Variants in KCNK16 observed in about 807,000 individuals in gnomAD.
KCNK16 encodes potassium two pore domain channel subfamily K member 16.
A neutral mutation model predicts 23.0 loss-of-function variants in KCNK16; 23 were observed. That is an observed-to-expected ratio of 1.00 (90% CI 0.72 to 1.41). KCNK16 has a LOEUF of 1.41. Among genes scored for constraint, KCNK16 ranks in the 40% most tolerant of loss-of-function variants. The pLI is 0.00. For synonymous variants in KCNK16, 145 were observed against 153.5 expected (o/e 0.94, Z 0.41); for missense variants, 327 against 365.8 (o/e 0.89, Z 0.87).
At chr6:39,322,289 C>T (rs767237628) in intron 1 of KCNK16, 39 bp downstream of exon 1, 1 of 1,593,686 alleles carries the variant, frequency 6.3e-7, no homozygotes, top group Non-Finnish European at 8.6e-7. Context: ...CCAACCTTCC[C>T]AAGCCTCTCC....
chr6:39,317,067 C>T, intron 3 of KCNK16, 120 bp from the exon 4 acceptor site: 2 of 961,294 alleles, frequency 2.1e-6, no homozygotes, highest in Admixed American at 2.6e-5. Context: ...CCCTTTCCTG[C>T]ACTGCAGACC....
intron 1 of KCNK16, among the ~76,000 whole-genome samples, chr6:39,320,289 A>G (rs1762467715): frequency 6.6e-6 from 1 of 152,154 alleles, no homozygotes; most frequent in South Asian, 2.1e-4. Context: ...CCACATCCAC[A>G]AAGTGGCCAG....
downstream of KCNK16, chr6:39,315,307 G>C: frequency 6.4e-7 from 1 of 1,556,214 alleles, no homozygotes; most frequent in Non-Finnish European, 8.7e-7. Context: ...GAGGCCAGAC[G>C]TTCATGGAGC....
downstream of KCNK16, chr6:39,315,016 C>T (rs1225169124): frequency 6.2e-7 from 1 of 1,604,998 alleles, no homozygotes; most frequent in Non-Finnish European, 8.5e-7. Flanking sequence ...CTTCCCAGTC[C>T]TTTCTTGGAT....
intron 3 of KCNK16, 74 bp from the exon 4 acceptor site, chr6:39,317,021 G>A: frequency 6.9e-7 from 1 of 1,454,488 alleles, no homozygotes; most frequent in Non-Finnish European, 9.3e-7. Context: ...GGGAGTCTGG[G>A]GTAAACATGG....
intron 2 of KCNK16, 93 bp from the exon 3 acceptor site, chr6:39,318,045 A>C: frequency 3.2e-6 from 4 of 1,252,862 alleles, no homozygotes; most frequent in South Asian, 1.7e-5. Context: ...GTCTGTCACC[A>C]CCTCTGGGGG....
intron 1 of KCNK16, among the ~76,000 whole-genome samples, chr6:39,320,451 C>G (rs1762474106): frequency 6.6e-6 from 1 of 152,198 alleles, no homozygotes; most frequent in Non-Finnish European, 1.5e-5. Context: ...GCCATGGGTT[C>G]TGACTTCCCA....
intron 3 of KCNK16, among the ~76,000 whole-genome samples, chr6:39,317,388 C>T (rs902733693): frequency 2.0e-5 from 3 of 152,232 alleles, no homozygotes. Flanking sequence ...AGATGTGCTA[C>T]AGAGATCCCT....
Position 39,319,183 on chromosome 6 carries a change from G to T in KCNK16, c.214-50C>A. On this transcript the variant is annotated intron_variant, in intron 1 of 4. Coordinates refer to ENST00000437525, the MANE Select transcript of KCNK16 (RefSeq NM_001135106.2). The surrounding 1 kb of genome is among the most constrained non-coding windows in gnomAD (Gnocchi z 4.2). The stretch of plus-strand genomic sequence containing the variant: ...AGGAAGAAGGAGCTGATGGTTACTG[G>T]GCACCAGTTGTTGCCATGCTTTTGG... The T allele has an allele frequency of 9.5e-7, 1 of 1,052,098 alleles. No homozygotes were observed. Among genetic ancestry groups the T allele is most frequent in the Middle Eastern group, 2.5e-4 (1 of 3,988 alleles). The allele number at this position is 1,052,098 out of a possible 1,614,324, so 65.2% of individuals were successfully genotyped here. A position where few individuals can be genotyped will look rare whatever the true frequency, so the allele number is the denominator to read the frequency against.
chr6:39,315,348 G>A, downstream of KCNK16: 2 of 1,551,902 alleles, frequency 1.3e-6, no homozygotes, highest in Non-Finnish European at 1.7e-6. Flanking sequence ...GGGATCTGCT[G>A]GCTCTCTGGC....
chr6:39,322,214 T>G, intron 1 of KCNK16, 114 bp downstream of exon 1: 1 of 1,468,328 alleles, frequency 6.8e-7, no homozygotes, highest in Non-Finnish European at 9.1e-7. Flanking sequence ...CACCACACTC[T>G]TCTTCCAAAT....
chr6:39,319,231 A>C lies in KCNK16; in HGVS notation c.214-98T>G. On this transcript the variant is annotated intron_variant, in intron 1 of 4. Transcript: ENST00000437525. The surrounding 1 kb of genome is among the most constrained non-coding windows in gnomAD (Gnocchi z 4.2). ...TGGCAGCATGCTTTTGTGTCATCTC[A>C]TCTAATGATACTCTTAGATGATATT... The C allele has an allele frequency of 7.8e-5, 57 of 728,906 alleles. No homozygotes were observed. The highest frequency in any genetic ancestry group is 1.0e-4 in the Non-Finnish European group (41 of 400,376). The allele number at this position is 728,906 out of a possible 1,614,324, so 45.2% of individuals were successfully genotyped here. A position where few individuals can be genotyped will look rare whatever the true frequency, so the allele number is the denominator to read the frequency against.
At chr6:39,315,374 T>C, downstream of KCNK16, 1 of 1,551,540 alleles carries the variant, frequency 6.4e-7, no homozygotes. Flanking sequence ...ATGGGGTGTT[T>C]GGAAAGGCTC....
At chr6:39,316,124 G>T, downstream of KCNK16, 1 of 1,426,742 alleles carries the variant, frequency 7.0e-7, no homozygotes, top group South Asian at 1.5e-5. Context: ...GAAGTGAGGG[G>T]GTTGGGAGAG....
At chr6:39,321,184 A>G (rs564185730) in intron 1 of KCNK16, among the ~76,000 whole-genome samples, 1 of 152,220 alleles carries the variant, frequency 6.6e-6, no homozygotes, top group South Asian at 2.1e-4. Flanking sequence ...GGGGCTTGAC[A>G]TCTCCAGTTC....
At chr6:39,314,962 T>C, downstream of KCNK16, 1 of 1,525,618 alleles carries the variant, frequency 6.6e-7, no homozygotes, top group South Asian at 1.3e-5. Flanking sequence ...CTACCTGGAG[T>C]GGAGGAAGCG....
At position 39,322,615 on chromosome 6, in the gene KCNK16, C is replaced by T. The variant is rs148640828; in HGVS notation, c.-75G>A. On this transcript the variant is annotated 5_prime_UTR_variant, in exon 1 of 5. It adds an upstream start codon to the 5' untranslated region. Coordinates refer to ENST00000437525, the MANE Select transcript of KCNK16 (RefSeq NM_001135106.2). ...GTGGGAAACAGGTGAGGAGTAAGCA[C>T]CTAGGGGCCTGTGCCCAGGCTGCCG... The T allele has an allele frequency of 1.3e-4, 201 of 1,495,514 alleles. No individual in the cohort carries two copies. The African/African-American group carries it at 2.5e-3, about 18-fold the overall frequency. 92.6% of individuals were successfully genotyped at this position (1,495,514 alleles called of 1,614,324 possible).
intron 1 of KCNK16, 110 bp downstream of exon 1, chr6:39,322,218 T>A: frequency 6.8e-7 from 1 of 1,476,092 alleles, no homozygotes; most frequent in Non-Finnish European, 9.0e-7. Flanking sequence ...ACACTCTTCT[T>A]CCAAATGGGG....
In KCNK16 at chr6:39,322,321, C is replaced by T; in HGVS notation, c.213+7G>A. 1.9e-6 allele frequency: 3 copies of T among 1,610,036 alleles called. No homozygotes were observed. Among genetic ancestry groups the T allele is most frequent in the Non-Finnish European group, 2.5e-6 (3 of 1,176,566 alleles). On this transcript the variant is annotated splice_region_variant and intron_variant, in intron 1 of 4. Transcript: ENST00000437525. ...CTCCATCCCAATCCCACATCGCTCC[C>T]CTTCACCTGCACAAACTGCTCCATG...
Sources: allele counts gnomAD v4.1 joint callset (sites outside exome capture counted in the v4.1 genomes callset), GRCh38; gene constraint gnomAD v4.1.1; non-coding constraint Gnocchi (gnomAD v3.1); transcripts MANE v1.5; gene names NCBI Gene and HGNC (gene_info 2026-07-23, HGNC 2026-07-21).